MBOAT2: variants seen among roughly 807,000 people sequenced by gnomAD.
The protein encoded by MBOAT2 is membrane bound glycerophospholipid O-acyltransferase 2.
A neutral mutation model predicts 63.4 loss-of-function variants in MBOAT2; 28 were observed. The observed-to-expected ratio is 0.44, with a 90% CI of 0.33 to 0.61. The LOEUF (loss-of-function observed/expected upper bound fraction) is 0.61. Among genes scored for constraint, MBOAT2 ranks in the 20% least tolerant of loss-of-function variants. MBOAT2 has a pLI of 0.03. For missense variants in MBOAT2, 470 were observed against 605.8 expected (o/e 0.78, Z 2.35); for synonymous variants, 211 against 215.6 (o/e 0.98, Z 0.19).
chr2:8,954,776 T>G (rs1606306), intron 2 of MBOAT2, among the ~76,000 whole-genome samples: 21,242 of 151,792 alleles, frequency 0.14, 2,123 homozygotes, highest in African/African-American at 0.29. Context: ...GAGCCTCACT[T>G]CACCATGATC....
In MBOAT2 at chr2:8,856,921, G is replaced by C. The variant is rs1661129337; in HGVS notation, c.*1758C>G. 6.6e-6 allele frequency: 1 copy of C among 152,128 alleles called. No individual in the cohort carries two copies. The highest frequency in any genetic ancestry group is 6.5e-5 in the Admixed American group (1 of 15,280). 9.4% of individuals were successfully genotyped at this position (152,128 alleles called of 1,614,324 possible). A position where few individuals can be genotyped will look rare whatever the true frequency, so the allele number is the denominator to read the frequency against. On this transcript the variant is annotated 3_prime_UTR_variant, in exon 13 of 13. Coordinates refer to ENST00000305997, the MANE Select transcript of MBOAT2 (RefSeq NM_138799.4). This position sits in a 1 kb window ranked among gnomAD's most constrained non-coding sequence, Gnocchi z 4.2. ...AGTTATCAATCCTTTCCTGGGTAGG[G>C]TTAGCCTTATCAGCCGGAAAACACT...
intron 2 of MBOAT2, among the ~76,000 whole-genome samples, chr2:8,954,833 C>T (rs1172802609): frequency 6.6e-6 from 1 of 152,178 alleles, no homozygotes; most frequent in Non-Finnish European, 1.5e-5. Flanking sequence ...TCCAGGCAAA[C>T]AGGTGCTCCA....
chr2:8,963,343 G>A (rs1300729515), intron 1 of MBOAT2, among the ~76,000 whole-genome samples: 3 of 151,974 alleles, frequency 2.0e-5, no homozygotes, highest in Non-Finnish European at 4.4e-5. Flanking sequence ...TGCTCTTGTT[G>A]CCCAGGCTAG....
intron 2 of MBOAT2, among the ~76,000 whole-genome samples, chr2:8,951,856 T>C (rs1668860399): frequency 6.6e-6 from 1 of 152,218 alleles, no homozygotes; most frequent in Non-Finnish European, 1.5e-5. Context: ...TGGTCCTCTT[T>C]ATCCTTTTAA....
chr2:8,990,627 A>G (rs993826645), intron 1 of MBOAT2, among the ~76,000 whole-genome samples: 4 of 152,154 alleles, frequency 2.6e-5, no homozygotes, highest in African/African-American at 4.8e-5. Context: ...CCATTAATTT[A>G]TATTTCTTAC....
chr2:9,001,327 A>G (rs1672674902), intron 1 of MBOAT2, among the ~76,000 whole-genome samples: 1 of 152,194 alleles, frequency 6.6e-6, no homozygotes, highest in South Asian at 2.1e-4. Flanking sequence ...ACAATGTGCT[A>G]GACTTTTATA....
At chr2:8,916,961 T>C (rs1469006767) in intron 3 of MBOAT2, among the ~76,000 whole-genome samples, 5 of 152,146 alleles carry the variant, frequency 3.3e-5, no homozygotes, top group African/African-American at 9.7e-5. Context: ...GTCAGACACA[T>C]AGATCAATGA....
chr2:8,913,066 A>G lies in MBOAT2; in HGVS notation c.300-4350T>C, dbSNP rs1357685358. Among the ~76,000 whole-genome samples, 5 of 152,198 alleles carry G rather than the reference A, an allele frequency of 3.3e-5. No homozygotes were observed. In the East Asian group the frequency reaches 9.6e-4, roughly 29 times the overall value. ...TACTTACAGCCAACTGATCTTCAAC[A>G]AAGCAAACAAAAACGTAAAATGAGG... On this transcript the variant is annotated intron_variant, in intron 3 of 12. Transcript: ENST00000305997.
intron 3 of MBOAT2, among the ~76,000 whole-genome samples, chr2:8,926,271 G>A (rs1666926132): frequency 6.6e-6 from 1 of 152,116 alleles, no homozygotes; most frequent in African/African-American, 2.4e-5. Flanking sequence ...TGGGACTACA[G>A]GCACACAGCA....
rs559173847 is a variant in MBOAT2, at chr2:8,996,641, C to A, written c.75+6899G>T. On this transcript the variant is annotated intron_variant, in intron 1 of 12. Transcript: ENST00000305997. Reference sequence around the variant, plus strand: ...TCTTCCTCCCCTGCTGTGAAGCAGCCCCTGCTCCACAGCCACTATCTTGGG... The same window carrying A: ...TCTTCCTCCCCTGCTGTGAAGCAGCACCTGCTCCACAGCCACTATCTTGGG... Among the ~76,000 whole-genome samples, 6 of 152,272 alleles carry A rather than the reference C, an allele frequency of 3.9e-5. No individual in the cohort carries two copies. The South Asian group carries it at 1.0e-3, about 26-fold the overall frequency.
chr2:8,877,675 G>A (rs531399537), intron 6 of MBOAT2, among the ~76,000 whole-genome samples: 7 of 152,220 alleles, frequency 4.6e-5, no homozygotes, highest in Non-Finnish European at 1.0e-4. Flanking sequence ...TTTCAGAAGT[G>A]CTAAGTGTTA....
At chr2:8,912,351 G>GAGAA (rs1444081100) in intron 3 of MBOAT2, among the ~76,000 whole-genome samples, 77 of 69,904 alleles carry the variant, frequency 1.1e-3, no homozygotes, top group Admixed American at 1.7e-3. Flanking sequence ...AAGAAAGAAA[G>GAGAA]AGAAAGAAAG....
At chr2:8,889,088 T>C (rs886823925) in intron 4 of MBOAT2, among the ~76,000 whole-genome samples, 5 of 152,132 alleles carry the variant, frequency 3.3e-5, no homozygotes, top group Non-Finnish European at 7.4e-5. Flanking sequence ...GAGGACAGTG[T>C]GGCGCACGCA....
chr2:8,881,116 T>C lies in MBOAT2; in HGVS notation c.506+1395A>G, dbSNP rs1395960281. Among the ~76,000 whole-genome samples the C allele has an allele frequency of 2.0e-5, 3 of 152,182 alleles. No individual in the cohort carries two copies. In the East Asian group the frequency reaches 5.8e-4, roughly 29 times the overall value. On this transcript the variant is annotated intron_variant, in intron 6 of 12. Coordinates refer to ENST00000305997, the MANE Select transcript of MBOAT2 (RefSeq NM_138799.4). ...GGAGTAACTGACGCAGCTAAATCCT[T>C]GAGAAGGAAGTGAACTCCGTGCAGC...
At chr2:8,958,189 A>G (rs1021685532) in intron 2 of MBOAT2, among the ~76,000 whole-genome samples, 5 of 152,220 alleles carry the variant, frequency 3.3e-5, no homozygotes, top group Non-Finnish European at 7.3e-5. Context: ...CTTTTCTGTC[A>G]GTATAAAAGA....
intron 11 of MBOAT2, chr2:8,861,093 C>CAA: frequency 6.8e-6 from 1 of 147,314 alleles, no homozygotes; most frequent in Non-Finnish European, 1.5e-5. Context: ...TAAAAGTTTC[C>CAA]AAAAAAAAAA....
chr2:8,995,868 G>C (rs1038577642), intron 1 of MBOAT2, among the ~76,000 whole-genome samples: 1 of 152,212 alleles, frequency 6.6e-6, no homozygotes, highest in African/African-American at 2.4e-5. Context: ...TGGGATTACA[G>C]GCGTGAGCCA....
rs146229824 is a variant in MBOAT2 at position 8,887,721 on chromosome 2, C to T, written c.451+297G>A. ...GGAGCTGAAGCAGGAAATAATAAAA[C>T]CTGATCTAGACCAAATGTCTCTTTC... is the stretch of plus-strand genomic sequence containing the variant. On this transcript the variant is annotated intron_variant, in intron 5 of 12. Coordinates refer to ENST00000305997, the MANE Select transcript of MBOAT2 (RefSeq NM_138799.4). Among the ~76,000 whole-genome samples, 27 of 152,254 alleles carry T rather than the reference C, an allele frequency of 1.8e-4. No homozygotes were observed. In the East Asian group the frequency reaches 4.2e-3, roughly 24 times the overall value.
chr2:8,921,109 G>A (rs1666532642), intron 3 of MBOAT2, among the ~76,000 whole-genome samples: 1 of 152,076 alleles, frequency 6.6e-6, no homozygotes, highest in Non-Finnish European at 1.5e-5. Context: ...GATTTAACCT[G>A]CCATTTTGCT....
Sources: allele counts gnomAD v4.1 joint callset (sites outside exome capture counted in the v4.1 genomes callset), GRCh38; gene constraint gnomAD v4.1.1; non-coding constraint Gnocchi (gnomAD v3.1); transcripts MANE v1.5; gene names NCBI Gene and HGNC (gene_info 2026-07-23, HGNC 2026-07-21).